The following SLC1A2 variants were observed in gnomAD, a reference collection of about 807,000 sequenced individuals.
SLC1A2 encodes excitatory amino acid transporter 2.
SLC1A2 carries 15 observed loss-of-function variants against 48.8 expected under a neutral mutation model. That is an observed-to-expected ratio of 0.31 (90% CI 0.21 to 0.47). The LOEUF (loss-of-function observed/expected upper bound fraction) is 0.47. Ranked by LOEUF, SLC1A2 falls within the 20% of genes least tolerant of loss-of-function variation. The pLI is 0.99. For missense variants in SLC1A2, 502 were observed against 730.5 expected, an observed-to-expected ratio of 0.69 and a Z score of 3.61; for synonymous variants, 279 against 272.6, an observed-to-expected ratio of 1.02 and a Z score of -0.23.
chr11:35,395,187 G>C (rs1253150676), intron 1 of SLC1A2, among the ~76,000 whole-genome samples: 1 of 152,090 alleles, frequency 6.6e-6, no homozygotes, highest in African/African-American at 2.4e-5. Flanking sequence ...CACTTACTCT[G>C]AGGAGGACAG....
At chr11:35,404,130 G>GACAA (rs10668268) in intron 1 of SLC1A2, among the ~76,000 whole-genome samples, 3 of 151,642 alleles carry the variant, frequency 2.0e-5, no homozygotes, top group Admixed American at 2.0e-4. Flanking sequence ...ATTTTGAAAA[G>GACAA]AAATACCTGT....
chr11:35,314,791 T>TC (rs1055095955), intron 3 of SLC1A2, among the ~76,000 whole-genome samples: 22 of 150,512 alleles, frequency 1.5e-4, no homozygotes, highest in African/African-American at 4.4e-4. Context: ...TTTTCTTTTT[T>TC]TTTTTTTCTT....
At chr11:35,387,402 G>A (rs928633709) in intron 1 of SLC1A2, among the ~76,000 whole-genome samples, 3 of 152,132 alleles carry the variant, frequency 2.0e-5, no homozygotes, top group African/African-American at 7.2e-5. Context: ...TCCCCACACT[G>A]GATGAGGAGG....
intron 1 of SLC1A2, among the ~76,000 whole-genome samples, chr11:35,374,877 T>C (rs1011619978): frequency 1.3e-5 from 2 of 152,236 alleles, no homozygotes; most frequent in African/African-American, 4.8e-5. Flanking sequence ...GTGATACACA[T>C]ACACATACCT....
At chr11:35,309,909 C>A (rs543522685) in intron 4 of SLC1A2, among the ~76,000 whole-genome samples, 8 of 152,228 alleles carry the variant, frequency 5.3e-5, no homozygotes, top group Admixed American at 1.3e-4. Flanking sequence ...ACTGAGGGAC[C>A]AAGGCTCAGT....
At chr11:35,304,195 T>A (rs1002691457) in intron 5 of SLC1A2, among the ~76,000 whole-genome samples, 6 of 152,138 alleles carry the variant, frequency 3.9e-5, no homozygotes, top group African/African-American at 7.2e-5. Flanking sequence ...AACTCCCCAG[T>A]AGAGCCAAAG....
At chr11:35,410,616 T>A (rs1855428847) in intron 1 of SLC1A2, among the ~76,000 whole-genome samples, 1 of 152,180 alleles carries the variant, frequency 6.6e-6, no homozygotes. Context: ...GCTGGGCATG[T>A]TGATAAGTGA....
chr11:35,317,160 C>T, intron 2 of SLC1A2: 1 of 518,048 alleles, frequency 1.9e-6, no homozygotes, highest in Non-Finnish European at 3.4e-6. Flanking sequence ...TATTTATTTG[C>T]AAAAAATTTA....
chr11:35,398,883 G>T (rs963457698), intron 1 of SLC1A2, among the ~76,000 whole-genome samples: 1 of 152,184 alleles, frequency 6.6e-6, no homozygotes, highest in Admixed American at 6.5e-5. Context: ...GAGGGGCAAT[G>T]TGAGGAGGCT....
chr11:35,317,619 GA>G, intron 1 of SLC1A2, 103 bp from the exon 2 acceptor site: 1 of 1,359,442 alleles, frequency 7.4e-7, no homozygotes, highest in Non-Finnish European at 1.0e-6. Context: ...TTGGAATCTG[GA>G]ACCATCTGCA....
At chr11:35,261,838 A>G (rs370005170) in intron 10 of SLC1A2, 1 of 397,782 alleles carries the variant, frequency 2.5e-6, no homozygotes. Context: ...AGTGAAATGC[A>G]TGCATCATGA....
chr11:35,388,328 G>A (rs899946437), intron 1 of SLC1A2, among the ~76,000 whole-genome samples: 7 of 152,108 alleles, frequency 4.6e-5, no homozygotes, highest in Admixed American at 2.0e-4. Context: ...CATCTTTTAC[G>A]GCACTACATA....
chr11:35,383,262 A>G (rs1854486688), intron 1 of SLC1A2, among the ~76,000 whole-genome samples: 1 of 152,252 alleles, frequency 6.6e-6, no homozygotes. Flanking sequence ...CTAAAATGAC[A>G]ACAGTAATGG....
chr11:35,316,778 C>T (rs1851895436), intron 2 of SLC1A2: 1 of 152,390 alleles, frequency 6.6e-6, no homozygotes, highest in Admixed American at 6.5e-5. Flanking sequence ...AAGATTGTAT[C>T]AATAGCCTGA....
chr11:35,299,154 A>G (rs1401932786), intron 6 of SLC1A2: 1 of 152,218 alleles, frequency 6.6e-6, no homozygotes, highest in Non-Finnish European at 1.5e-5. Flanking sequence ...CCTGGCCAAC[A>G]TGGTGAAACC....
At chr11:35,358,752 T>C (rs1449097443) in intron 1 of SLC1A2, among the ~76,000 whole-genome samples, 1 of 152,158 alleles carries the variant, frequency 6.6e-6, no homozygotes, top group Non-Finnish European at 1.5e-5. Context: ...ACCCAGAACC[T>C]AGTGAACACT....
At chr11:35,287,822 G>A (rs1410193234) in intron 7 of SLC1A2, among the ~76,000 whole-genome samples, 2 of 152,218 alleles carry the variant, frequency 1.3e-5, no homozygotes, top group African/African-American at 2.4e-5. Context: ...CTGGGAGGGT[G>A]AGTGGATTTG....
Position 35,338,056 on chromosome 11 carries a change from A to T in SLC1A2, c.18-20540T>A, listed in dbSNP as rs1233803075. Among the ~76,000 whole-genome samples, 3 of 152,242 alleles carry T rather than the reference A, an allele frequency of 2.0e-5. No individual in the cohort carries two copies. In the East Asian group the frequency reaches 5.8e-4, roughly 29 times the overall value. Reference sequence around the variant, plus strand: ...TCAGGTCTCTAGAATATGTGGGACAAGAAGATTGTAGTATCTGCATAGATC... The same window carrying T: ...TCAGGTCTCTAGAATATGTGGGACATGAAGATTGTAGTATCTGCATAGATC... On this transcript the variant is annotated intron_variant, in intron 1 of 10. Transcript: ENST00000278379.
At position 35,255,610 on chromosome 11, in the gene SLC1A2, T is replaced by A. The variant is rs1415793471; in HGVS notation, c.*5284A>T. 1 of 152,182 alleles carries A rather than the reference T, an allele frequency of 6.6e-6. No homozygotes were observed. Among genetic ancestry groups the A allele is most frequent in the Non-Finnish European group, 1.5e-5 (1 of 68,032 alleles). 9.4% of individuals were successfully genotyped at this position (152,182 alleles called of 1,614,324 possible). A position where few individuals can be genotyped will look rare whatever the true frequency, so the allele number is the denominator to read the frequency against. On this transcript the variant is annotated 3_prime_UTR_variant, in exon 11 of 11. Coordinates refer to ENST00000278379, the MANE Select transcript of SLC1A2 (RefSeq NM_004171.4). ...TCAAATTCCCATACTGGGTGGGCAA[T>A]TAGAATTGTTGGAGAAAATTGTGTG...
Sources: gnomAD v4.1 joint callset for allele counts (sites outside exome capture counted in the v4.1 genomes callset) on GRCh38, gnomAD v4.1.1 for gene constraint, MANE v1.5 for transcripts, NCBI Gene and HGNC (gene_info 2026-07-23, HGNC 2026-07-21) for gene names.